SIPA1L1: variants seen among roughly 807,000 people sequenced by gnomAD.
The protein encoded by SIPA1L1 is signal-induced proliferation-associated 1-like protein 1.
Under a neutral mutation model 162.7 loss-of-function variants are expected in SIPA1L1, and 26 were observed. The ratio of observed to expected loss-of-function variants is 0.16; its 90% confidence interval spans 0.12 to 0.22. SIPA1L1 has a LOEUF of 0.22. Among genes scored for constraint, SIPA1L1 ranks in the 10% least tolerant of loss-of-function variants. SIPA1L1 has a pLI of 1.00. For missense variants in SIPA1L1, 1,874 were observed against 2,241.0 expected (o/e 0.84, Z 3.31); for synonymous variants, 829 against 837.4 (o/e 0.99, Z 0.17).
intron 5 of SIPA1L1, among the ~76,000 whole-genome samples, chr14:71,604,342 T>G (rs2037224346): frequency 6.6e-6 from 1 of 152,112 alleles, no homozygotes; most frequent in African/African-American, 2.4e-5. Context: ...GAAGTCTCAC[T>G]ATGTTGCCCA....
At chr14:71,478,220 A>G (rs35625243) in intron 2 of SIPA1L1, among the ~76,000 whole-genome samples, 32,427 of 151,932 alleles carry the variant, frequency 0.21, 3,668 homozygotes, top group Middle Eastern at 0.37. Flanking sequence ...AAATTGGGTT[A>G]TTTCTTGGTT....
chr14:71,713,426 G>A (rs1397655840), intron 17 of SIPA1L1, among the ~76,000 whole-genome samples: 1 of 152,230 alleles, frequency 6.6e-6, no homozygotes, highest in Non-Finnish European at 1.5e-5. Context: ...CTACATAAAA[G>A]TTTGTAAACT....
chr14:71,510,539 T>C (rs1306437445), intron 2 of SIPA1L1, among the ~76,000 whole-genome samples: 1 of 152,116 alleles, frequency 6.6e-6, no homozygotes, highest in Non-Finnish European at 1.5e-5. Flanking sequence ...TATTTACTGT[T>C]AATATGTCTG....
intron 2 of SIPA1L1, among the ~76,000 whole-genome samples, chr14:71,446,481 C>A (rs949492252): frequency 2.0e-5 from 3 of 152,104 alleles, no homozygotes; most frequent in African/African-American, 7.2e-5. Flanking sequence ...GCAGGAGGAT[C>A]GCTTGAGCCC....
chr14:71,600,597 T>A (rs1596348180), intron 5 of SIPA1L1, among the ~76,000 whole-genome samples: 1 of 152,184 alleles, frequency 6.6e-6, no homozygotes, highest in East Asian at 1.9e-4. Flanking sequence ...TGGTTCCATA[T>A]GAATTTTAGG....
intron 6 of SIPA1L1, among the ~76,000 whole-genome samples, chr14:71,621,002 C>G (rs974276313): frequency 2.0e-5 from 3 of 152,174 alleles, no homozygotes; most frequent in Non-Finnish European, 4.4e-5. Flanking sequence ...ACTGTATTTT[C>G]TCAGGCCAGA....
intron 7 of SIPA1L1, among the ~76,000 whole-genome samples, chr14:71,631,159 T>C (rs769909931): frequency 2.6e-5 from 4 of 152,154 alleles, no homozygotes; most frequent in African/African-American, 9.7e-5. Flanking sequence ...CTGAGAATTA[T>C]GGTTTCCAGC....
chr14:71,634,315 T>C (rs1467867767), intron 7 of SIPA1L1, among the ~76,000 whole-genome samples: 2 of 151,402 alleles, frequency 1.3e-5, no homozygotes, highest in South Asian at 2.1e-4. Flanking sequence ...GGCAGGAGAA[T>C]TGCTTGAACC....
chr14:71,375,639 CT>C (rs2039303469), intron 2 of SIPA1L1, among the ~76,000 whole-genome samples: 2 of 152,064 alleles, frequency 1.3e-5, no homozygotes, highest in South Asian at 4.1e-4. Context: ...ATCAAGCATT[CT>C]TGCTTTACTC....
chr14:71,642,877 A>G (rs1203605573), intron 7 of SIPA1L1, among the ~76,000 whole-genome samples: 2 of 152,144 alleles, frequency 1.3e-5, no homozygotes, highest in African/African-American at 4.8e-5. Flanking sequence ...ATCTGAGTTG[A>G]AAAGTACACT....
chr14:71,483,882 G>A (rs1257910122), intron 2 of SIPA1L1, among the ~76,000 whole-genome samples: 2 of 152,140 alleles, frequency 1.3e-5, no homozygotes, highest in Non-Finnish European at 2.9e-5. Context: ...CTCTGTCACC[G>A]GTAAGGTTTT....
At position 71,378,534 on chromosome 14, in the gene SIPA1L1, C is replaced by T. The variant is rs757662578; in HGVS notation, c.-465+57353C>T. On this transcript the variant is annotated intron_variant, in intron 2 of 23. Transcript: ENST00000381232. ...CAGAGAATATTTGTGGAATTTCAAT[C>T]CTTTTATTGAGAGCCCACCATATGA... is the stretch of plus-strand genomic sequence containing the variant. Among the ~76,000 whole-genome samples the T allele has an allele frequency of 3.9e-4, 59 of 152,142 alleles. 1 individual carries two copies. The highest frequency in any genetic ancestry group is 1.3e-4 in the Non-Finnish European group (9 of 68,024).
At chr14:71,500,178 AAATT>A (rs1157407622) in intron 2 of SIPA1L1, among the ~76,000 whole-genome samples, 4 of 152,204 alleles carry the variant, frequency 2.6e-5, no homozygotes, top group African/African-American at 4.8e-5. Context: ...AACAAAATAA[AAATT>A]AAGAGCAAAA....
At chr14:71,390,144 T>C (rs1334211546) in intron 2 of SIPA1L1, among the ~76,000 whole-genome samples, 1 of 152,224 alleles carries the variant, frequency 6.6e-6, no homozygotes, top group African/African-American at 2.4e-5. Context: ...TCCAGAAACC[T>C]GTTTGATAAA....
chr14:71,570,453 T>C (rs2031757831), intron 4 of SIPA1L1, among the ~76,000 whole-genome samples: 1 of 152,018 alleles, frequency 6.6e-6, no homozygotes, highest in Non-Finnish European at 1.5e-5. Context: ...TTTGTAGTGA[T>C]AGAGTTCTGC....
At chr14:71,646,785 A>G (rs1567390683) in intron 7 of SIPA1L1, among the ~76,000 whole-genome samples, 1 of 152,212 alleles carries the variant, frequency 6.6e-6, no homozygotes, top group African/African-American at 2.4e-5. Flanking sequence ...GCAAAATGCT[A>G]AACTGTGGAT....
intron 2 of SIPA1L1, among the ~76,000 whole-genome samples, chr14:71,469,735 A>G (rs752863560): frequency 5.3e-5 from 8 of 152,200 alleles, no homozygotes; most frequent in Non-Finnish European, 1.0e-4. Context: ...TGTATACCTC[A>G]TAGGGCAGTG....
At position 71,685,425 on chromosome 14, in the gene SIPA1L1, C is replaced by G; in HGVS notation, c.3168C>G (p.Tyr1056Ter). 1 of 1,614,120 alleles carries G rather than the reference C, an allele frequency of 6.2e-7. No individual in the cohort carries two copies. The highest frequency in any genetic ancestry group is 8.5e-7 in the Non-Finnish European group (1 of 1,180,026). The change falls in exon 13 of 24, where the codon TAC becomes TAG. Residue 1056 changes from tyrosine (Y) to a stop codon, truncating the protein, a stop_gained. Coordinates refer to ENST00000381232, the MANE Select transcript of SIPA1L1 (RefSeq NM_001386936.1). LOFTEE classifies it high-confidence loss of function. ...ACAAAATGAATGAAGGTGTTTCATACGAATTCAAGTTTCCCTTCCGAAATA... is the reference window on the plus strand; with the variant it reads ...ACAAAATGAATGAAGGTGTTTCATAGGAATTCAAGTTTCCCTTCCGAAATA... ...MEYKMNEGVSYEFKFPFRNNN... is the reference protein window; with the variant it reads ...MEYKMNEGVS
At chr14:71,365,663 C>T (rs946606031) in intron 2 of SIPA1L1, among the ~76,000 whole-genome samples, 4 of 151,650 alleles carry the variant, frequency 2.6e-5, no homozygotes, top group Admixed American at 6.6e-5. Flanking sequence ...CTTCCTTCAA[C>T]TATGTGAAGT....
Sources: allele counts gnomAD v4.1 joint callset (sites outside exome capture counted in the v4.1 genomes callset), GRCh38; gene constraint gnomAD v4.1.1; transcripts MANE v1.5; gene names NCBI Gene and HGNC (gene_info 2026-07-23, HGNC 2026-07-21).